The following FNIP1 variants were observed in gnomAD, a reference collection of about 807,000 sequenced individuals.
FNIP1 encodes the protein folliculin-interacting protein 1.
In FNIP1, 40 loss-of-function variants were observed where a neutral mutation model predicts 124.5. That is an observed-to-expected ratio of 0.32 (90% confidence interval 0.25 to 0.42). The LOEUF is 0.42. Among genes scored for constraint, FNIP1 ranks in the 10% least tolerant of loss-of-function variants. The pLI, the probability that FNIP1 is intolerant of heterozygous loss-of-function variation, is 1.00. For missense variants in FNIP1, 1,176 were observed against 1,403.7 expected, an observed-to-expected ratio of 0.84 and a Z score of 2.59; for synonymous variants, 472 against 470.6, an observed-to-expected ratio of 1.00 and a Z score of -0.04.
At chr5:131,695,073 C>A (rs1768642344) in intron 11 of FNIP1, among the ~76,000 whole-genome samples, 1 of 151,462 alleles carries the variant, frequency 6.6e-6, no homozygotes. Context: ...CTACTGCACT[C>A]CAGCCTGGGC....
At chr5:131,739,501 T>C (rs1770435140) in intron 2 of FNIP1, among the ~76,000 whole-genome samples, 1 of 152,180 alleles carries the variant, frequency 6.6e-6, no homozygotes, top group Admixed American at 6.5e-5. Context: ...ATTAGTCTAT[T>C]GCCTATTTAT....
At chr5:131,733,209 T>C (rs567969728) in intron 2 of FNIP1, among the ~76,000 whole-genome samples, 4 of 152,334 alleles carry the variant, frequency 2.6e-5, no homozygotes, top group Non-Finnish European at 2.9e-5. Context: ...AAGTTCCTTA[T>C]CAGCTTAAGG....
rs142369173 is a variant in FNIP1, at chr5:131,789,797, C to T, written c.92+7033G>A. Among the ~76,000 whole-genome samples, 671 of 152,338 alleles carry T rather than the reference C, an allele frequency of 4.4e-3. 11 individuals are homozygous for T. Among genetic ancestry groups the T allele is most frequent in the African/African-American group, 0.016 (652 of 41,578 alleles). ...TTCCCTATCTATCTTCTTGGTATAT[C>T]TTCCTCTCTCAGATCTGTGTATTTT... On this transcript the variant is annotated intron_variant, in intron 1 of 17. Transcript: ENST00000510461.
chr5:131,699,929 A>AAAG, intron 10 of FNIP1, among the ~76,000 whole-genome samples: 1 of 124,878 alleles, frequency 8.0e-6, no homozygotes, highest in East Asian at 2.0e-4. Flanking sequence ...AAAAAAAAAA[A>AAAG]AAAAAAAAGG....
intron 15 of FNIP1, among the ~76,000 whole-genome samples, chr5:131,658,828 T>C (rs1242265118): frequency 7.2e-6 from 1 of 138,008 alleles, no homozygotes; most frequent in Non-Finnish European, 1.5e-5. Context: ...CTCGGCCACA[T>C]TGCAGAACTT....
At chr5:131,689,910 C>T (rs1768416838) in intron 11 of FNIP1, among the ~76,000 whole-genome samples, 1 of 152,048 alleles carries the variant, frequency 6.6e-6, no homozygotes, top group African/African-American at 2.4e-5. Context: ...AATATAAAGT[C>T]AGAGATAGAT....
At chr5:131,645,953 G>T (rs1766867914) in intron 17 of FNIP1, among the ~76,000 whole-genome samples, 1 of 152,136 alleles carries the variant, frequency 6.6e-6, no homozygotes, top group Non-Finnish European at 1.5e-5. Flanking sequence ...TGTTTGAGTA[G>T]GGGTTGGAAG....
chr5:131,731,323 T>C (rs1020679512), intron 2 of FNIP1, among the ~76,000 whole-genome samples: 3 of 152,156 alleles, frequency 2.0e-5, no homozygotes, highest in Non-Finnish European at 2.9e-5. Context: ...ACCGATGTAA[T>C]AATATATTGC....
At chr5:131,753,064 C>T (rs955249317) in intron 1 of FNIP1, among the ~76,000 whole-genome samples, 5 of 152,112 alleles carry the variant, frequency 3.3e-5, no homozygotes, top group Admixed American at 3.3e-4. Context: ...AAGAGTGAAA[C>T]ATCGTTTCAA....
chr5:131,719,301 T>C lies in FNIP1; in HGVS notation c.455+16A>G, dbSNP rs1296760754. The C allele has an allele frequency of 1.3e-6, 2 of 1,579,164 alleles. No individual in the cohort carries two copies. The highest frequency in any genetic ancestry group is 2.2e-5 in the East Asian group (1 of 44,680). ...AAAAATGGGACTCGTTAAAAAAAAA[T>C]CAGAAAACCTCTCACCGAATCTGAT... On this transcript the variant is annotated intron_variant, in intron 4 of 17. Transcript: ENST00000510461.
chr5:131,748,000 C>G (rs1770739872), intron 1 of FNIP1, among the ~76,000 whole-genome samples: 1 of 151,830 alleles, frequency 6.6e-6, no homozygotes, highest in African/African-American at 2.4e-5. Flanking sequence ...TACATGGGTG[C>G]AGAAAGATTT....
rs761517587 is a variant in FNIP1 at position 131,719,055 on chromosome 5, G to A, written c.461C>T (p.Pro154Leu). ...STLKIHQIRS[P>L]PQLMLSKVFT... Reference sequence around the variant, plus strand: ...CACTTTGCTGAGCATGAGCTGTGGAGGGGAACTATGAAGAAAAAGAGAAAG... The same window carrying A: ...CACTTTGCTGAGCATGAGCTGTGGAAGGGAACTATGAAGAAAAAGAGAAAG... Residue 154 changes from proline to leucine, a missense_variant, in exon 5 of 18, where the codon CCT becomes CTT. Physicochemically the swap from Pro to Leu is moderately conservative, Grantham distance 98. Coordinates refer to ENST00000510461, the MANE Select transcript of FNIP1 (RefSeq NM_133372.3). 1 of 1,613,502 alleles carries A rather than the reference G, an allele frequency of 6.2e-7. No individual in the cohort carries two copies.
intron 3 of FNIP1, among the ~76,000 whole-genome samples, chr5:131,727,080 T>C (rs894406290): frequency 1.7e-4 from 26 of 152,206 alleles, no homozygotes; most frequent in African/African-American, 6.0e-4. Context: ...ATGTGGTCAA[T>C]TTTAGAATAA....
At chr5:131,785,047 G>T (rs1343959833) in intron 1 of FNIP1, among the ~76,000 whole-genome samples, 1 of 34,172 alleles carries the variant, frequency 2.9e-5, no homozygotes, top group Non-Finnish European at 6.1e-5. Flanking sequence ...TGATATATAT[G>T]ACTATATATA....
intron 1 of FNIP1, among the ~76,000 whole-genome samples, chr5:131,772,342 A>G (rs906727773): frequency 2.6e-5 from 4 of 152,030 alleles, no homozygotes; most frequent in African/African-American, 9.7e-5. Flanking sequence ...ATACATTGTC[A>G]GACTCATCAA....
chr5:131,774,990 A>G (rs1771755234), intron 1 of FNIP1, among the ~76,000 whole-genome samples: 1 of 152,206 alleles, frequency 6.6e-6, no homozygotes, highest in East Asian at 1.9e-4. Context: ...AAATCAGTAC[A>G]TTTAGGTGTG....
intron 1 of FNIP1, among the ~76,000 whole-genome samples, chr5:131,746,405 T>A (rs1279834480): frequency 3.3e-5 from 5 of 152,174 alleles, no homozygotes; most frequent in Non-Finnish European, 7.4e-5. Context: ...CTATTAAGTT[T>A]TTCAACTCTT....
chr5:131,722,082 A>T (rs1029992002), intron 3 of FNIP1, among the ~76,000 whole-genome samples: 3 of 152,214 alleles, frequency 2.0e-5, no homozygotes, highest in African/African-American at 7.2e-5. Context: ...AATAATTTTT[A>T]TACTTAAAAG....
intron 2 of FNIP1, among the ~76,000 whole-genome samples, chr5:131,743,790 C>CA (rs984843693): frequency 5.8e-4 from 88 of 152,108 alleles, no homozygotes; most frequent in African/African-American, 2.1e-3. Context: ...ACAGCCCTCA[C>CA]AAAAAACTCA....
Sources: gnomAD v4.1 joint callset for allele counts (sites outside exome capture counted in the v4.1 genomes callset) on GRCh38, gnomAD v4.1.1 for gene constraint, MANE v1.5 for transcripts, NCBI Gene and HGNC (gene_info 2026-07-23, HGNC 2026-07-21) for gene names.